The following NME7 variants were observed in gnomAD, a reference collection of about 807,000 sequenced individuals.
NME7 encodes the protein NME/NM23 family member 7.
Under a neutral mutation model 49.1 loss-of-function variants are expected in NME7, and 41 were observed. The ratio of observed to expected loss-of-function variants is 0.83; its 90% confidence interval spans 0.65 to 1.08. The LOEUF (loss-of-function observed/expected upper bound fraction) is 1.08. NME7 is among the 50% of genes least tolerant of loss of function. The probability of loss-of-function intolerance (pLI) is 0.00; values close to 1 mark genes in which losing one functional copy is unlikely to be tolerated. For missense variants in NME7, 423 were observed against 463.4 expected, an observed-to-expected ratio of 0.91 and a Z score of 0.80; for synonymous variants, 139 against 150.6, an observed-to-expected ratio of 0.92 and a Z score of 0.56.
At chr1:169,147,876 G>T (rs1159634800) in intron 11 of NME7, among the ~76,000 whole-genome samples, 1 of 152,086 alleles carries the variant, frequency 6.6e-6, no homozygotes, top group African/African-American at 2.4e-5. Context: ...TCAGATTAAA[G>T]GTGAGAAGGA....
chr1:169,331,822 A>T (rs1652266468), intron 1 of NME7, among the ~76,000 whole-genome samples: 1 of 151,768 alleles, frequency 6.6e-6, no homozygotes, highest in South Asian at 2.1e-4. Flanking sequence ...AGACCAAAAA[A>T]AAAATGGGAA....
chr1:169,143,883 T>C (rs1658678699), intron 11 of NME7, among the ~76,000 whole-genome samples: 1 of 151,532 alleles, frequency 6.6e-6, no homozygotes, highest in Non-Finnish European at 1.5e-5. Context: ...TTCTCAACAA[T>C]TTTTTTTTAT....
At chr1:169,191,281 T>G (rs1175386853) in intron 10 of NME7, among the ~76,000 whole-genome samples, 1 of 152,206 alleles carries the variant, frequency 6.6e-6, no homozygotes, top group African/African-American at 2.4e-5. Context: ...TCCTCTGCAA[T>G]AAGGAGCATG....
chr1:169,347,443 C>G (rs557977429), intron 1 of NME7, among the ~76,000 whole-genome samples: 1 of 148,054 alleles, frequency 6.8e-6, no homozygotes, highest in African/African-American at 2.7e-5. Context: ...GCAAGTTTAA[C>G]AAACAAAGCC....
chr1:169,133,308 A>AG (rs1658310075), intron 11 of NME7, among the ~76,000 whole-genome samples: 3 of 152,252 alleles, frequency 2.0e-5, no homozygotes, highest in Non-Finnish European at 4.4e-5. Flanking sequence ...CTTAACTAAC[A>AG]TGGGAAATGC....
intron 10 of NME7, among the ~76,000 whole-genome samples, chr1:169,180,064 T>C (rs3766061): frequency 0.37 from 56,142 of 151,356 alleles, 10,938 homozygotes; most frequent in East Asian, 0.73. Context: ...TAAAATAACA[T>C]AGAGATTTTA....
At chr1:169,363,654 A>G (rs1278020470) in intron 1 of NME7, among the ~76,000 whole-genome samples, 3 of 152,174 alleles carry the variant, frequency 2.0e-5, no homozygotes, top group Admixed American at 2.0e-4. Flanking sequence ...CTATTATTTT[A>G]TTACATTGAA....
chr1:169,173,312 A>G (rs1406081992), intron 10 of NME7, among the ~76,000 whole-genome samples: 1 of 152,172 alleles, frequency 6.6e-6, no homozygotes, highest in African/African-American at 2.4e-5. Context: ...TAAATATATA[A>G]CATCTCTTAA....
chr1:169,289,566 T>C (rs1571359500), intron 6 of NME7, among the ~76,000 whole-genome samples: 1 of 151,984 alleles, frequency 6.6e-6, no homozygotes, highest in African/African-American at 2.4e-5. Flanking sequence ...TTTTCTATTA[T>C]CTGTCTTTCC....
chr1:169,360,636 A>T lies in NME7; in HGVS notation c.3+7072T>A, dbSNP rs528538518. ...TAATGCACCTCTGTGCTCACTATTG[A>T]CTCTGCCTGGAATGCTCTTCTCCTA... is the stretch of plus-strand genomic sequence containing the variant. On this transcript the variant is annotated intron_variant, in intron 1 of 11. Coordinates refer to ENST00000367811, the MANE Select transcript of NME7 (RefSeq NM_013330.5). 5.7e-4 allele frequency among the ~76,000 whole-genome samples: 86 copies of T among 151,756 alleles called. 1 individual carries two copies. The highest frequency in any genetic ancestry group is 2.5e-3 in the Admixed American group (38 of 15,242).
intron 3 of NME7, among the ~76,000 whole-genome samples, chr1:169,311,388 C>CA (rs1353856019): frequency 3.5e-4 from 49 of 139,720 alleles, no homozygotes; most frequent in African/African-American, 1.2e-3. Flanking sequence ...CACTGCACTC[C>CA]AGCCTGGGCG....
intron 10 of NME7, among the ~76,000 whole-genome samples, chr1:169,170,616 A>G (rs1659556028): frequency 6.6e-6 from 1 of 152,270 alleles, no homozygotes; most frequent in Middle Eastern, 3.4e-3. Context: ...TAAGTATCCA[A>G]TATTAAAAAC....
At chr1:169,323,757 G>T (rs980931360) in intron 2 of NME7, among the ~76,000 whole-genome samples, 2 of 150,038 alleles carry the variant, frequency 1.3e-5, no homozygotes, top group Non-Finnish European at 3.0e-5. Flanking sequence ...TAATGAGGAC[G>T]TATTTATGAC....
rs1290663829 is a variant in NME7, at chr1:169,265,749, T to C, written c.754+21554A>G. Among the ~76,000 whole-genome samples, 2 of 125,838 alleles carry C rather than the reference T, an allele frequency of 1.6e-5. 1 individual carries two copies. The highest frequency in any genetic ancestry group is 3.8e-5 in the Non-Finnish European group (2 of 53,276). 82.6% of individuals were successfully genotyped at this position (125,838 alleles called of 152,430 possible). On this transcript the variant is annotated intron_variant, in intron 7 of 11. Transcript: ENST00000367811. ...CAGCTAGACAAATAAAGAAAAAAGA[T>C]ACAAATAAACACAATCAGAAATGAC...
In NME7 at chr1:169,274,482, C is replaced by A. The variant is rs376170999; in HGVS notation, c.754+12821G>T. 2.2e-3 allele frequency among the ~76,000 whole-genome samples: 284 copies of A among 128,432 alleles called. No individual in the cohort carries two copies. The East Asian group carries it at 0.028, about 12-fold the overall frequency. 84.3% of individuals were successfully genotyped at this position (128,432 alleles called of 152,430 possible). A position where few individuals can be genotyped will look rare whatever the true frequency, so the allele number is the denominator to read the frequency against. ...GCTCTTTAGTTTAATTAGATCCCAT[C>A]TGTCAATTTTGGCTTTTGTTGCCAT... On this transcript the variant is annotated intron_variant, in intron 7 of 11. Transcript: ENST00000367811.
chr1:169,159,104 G>A (rs1557966809), intron 11 of NME7, among the ~76,000 whole-genome samples: 1 of 152,160 alleles, frequency 6.6e-6, no homozygotes, highest in Non-Finnish European at 1.5e-5. Flanking sequence ...ATAACCTGAA[G>A]CTGTTGGGTG....
intron 1 of NME7, among the ~76,000 whole-genome samples, chr1:169,336,293 T>C (rs541489004): frequency 6.6e-6 from 1 of 151,794 alleles, no homozygotes; most frequent in East Asian, 1.9e-4. Flanking sequence ...GCAAGATTTA[T>C]TGCAAAGAGC....
At chr1:169,239,120 C>A (rs1313359233) in intron 7 of NME7, among the ~76,000 whole-genome samples, 2 of 151,802 alleles carry the variant, frequency 1.3e-5, no homozygotes, top group Non-Finnish European at 1.5e-5. Context: ...TGAGAAAATA[C>A]AAAACTAAAG....
chr1:169,282,634 T>G (rs1282413015), intron 7 of NME7, among the ~76,000 whole-genome samples: 1 of 152,216 alleles, frequency 6.6e-6, no homozygotes, highest in Non-Finnish European at 1.5e-5. Context: ...GTCCCTGAGA[T>G]TCTGGTATGA....
Sources: allele counts gnomAD v4.1 joint callset (sites outside exome capture counted in the v4.1 genomes callset), GRCh38; gene constraint gnomAD v4.1.1; transcripts MANE v1.5; gene names NCBI Gene and HGNC (gene_info 2026-07-23, HGNC 2026-07-21).